Variants in NBEAL2 observed in about 807,000 individuals in gnomAD.
The protein encoded by NBEAL2 is neurobeachin like 2.
NBEAL2 carries 160 observed loss-of-function variants against 299.8 expected under a neutral mutation model. The ratio of observed to expected loss-of-function variants is 0.53; its 90% CI spans 0.47 to 0.61. NBEAL2 has a LOEUF of 0.61. Among genes scored for constraint, NBEAL2 ranks in the 20% least tolerant of loss-of-function variants. NBEAL2 has a pLI of 0.00. For synonymous variants in NBEAL2, 1,493 were observed against 1,542.3 expected (o/e 0.97, Z 0.75); for missense variants, 3,112 against 3,649.0 (o/e 0.85, Z 3.79).
Position 46,997,319 on chromosome 3 carries a change from G to C in NBEAL2, c.2710G>C (p.Ala904Pro). The change falls in exon 19 of 54, where the codon GCA becomes CCA. Residue 904 changes from alanine to proline, a missense_variant. Around this residue, in one of 3 missense-constraint regions of NBEAL2, gnomAD observed 2,243 missense variants for 2,538.1 expected, o/e 0.88. Coordinates refer to ENST00000450053, the MANE Select transcript of NBEAL2 (RefSeq NM_015175.3). ...GCTGCCCCTGCTGGAGCGAGTAGCT[G>C]CACAGCCCAAAGAGGCTGAAGCAGG... ...ALLPLLERVA[A>P]QPKEAEAGPA... 6.2e-7 allele frequency: 1 copy of C among 1,612,990 alleles called. No individual in the cohort carries two copies. The highest frequency in any genetic ancestry group is 8.5e-7 in the Non-Finnish European group (1 of 1,179,856).
intron 1 of NBEAL2, chr3:46,987,939 ACT>A (rs1169232261): frequency 1.3e-5 from 16 of 1,221,424 alleles, no homozygotes; most frequent in Admixed American, 5.1e-5. Context: ...CCCCACCGTG[ACT>A]CTGCGCTTCC....
rs1217240806 is a variant in NBEAL2 at position 46,999,972 on chromosome 3, A to G, written c.3873A>G (p.Leu1291=). ...QAGWQDVLTR[L]YVLEAATAGS... is the part of the protein sequence containing the mutation. ...GCTGGCAAGATGTGCTGACCCGGCT[A>G]TATGTCCTGGAGGCTGCCACAGCCG... The change falls in exon 27 of 54, where the codon CTA becomes CTG. Residue 1291 remains leucine, a synonymous_variant. Coordinates refer to ENST00000450053, the MANE Select transcript of NBEAL2 (RefSeq NM_015175.3). 2.5e-6 allele frequency: 4 copies of G among 1,612,070 alleles called. No individual in the cohort carries two copies. The highest frequency in any genetic ancestry group is 3.4e-6 in the Non-Finnish European group (4 of 1,179,846).
chr3:47,008,054 C>A lies in NBEAL2; in HGVS notation c.7603-16C>A, dbSNP rs2037592813. 1 of 1,613,250 alleles carries A rather than the reference C, an allele frequency of 6.2e-7. No individual in the cohort carries two copies. The highest frequency in any genetic ancestry group is 8.5e-7 in the Non-Finnish European group (1 of 1,179,362). On this transcript the variant is annotated splice_polypyrimidine_tract_variant and intron_variant, in intron 49 of 53. Transcript: ENST00000450053. ...GCCTCAGGGGACAGTCCTAAGCCAACCCTGGTCCTCCACAGGGTGGTCTGT... is the reference window on the plus strand; with the variant it reads ...GCCTCAGGGGACAGTCCTAAGCCAAACCTGGTCCTCCACAGGGTGGTCTGT...
rs370643161 is a variant in NBEAL2 at position 46,995,522 on chromosome 3, A to G, written c.1787A>G (p.Gln596Arg). 2 of 1,612,744 alleles carry G rather than the reference A, an allele frequency of 1.2e-6. No individual in the cohort carries two copies. The highest frequency in any genetic ancestry group is 1.7e-6 in the Non-Finnish European group (2 of 1,179,894). The change falls in exon 13 of 54, where the codon CAG becomes CGG. Residue 596 changes from glutamine to arginine, a missense_variant. Around this residue, in one of 3 missense-constraint regions of NBEAL2, gnomAD observed 2,243 missense variants for 2,538.1 expected, o/e 0.88. Transcript: ENST00000450053. ...SMAGIMVPPVQRWPGPGFTFH... is the reference protein window; with the variant it reads ...SMAGIMVPPVRRWPGPGFTFH... ...GCGGGCATCATGGTACCCCCTGTAC[A>G]GCGATGGCCAGGGCCTGGCTTCACC...
chr3:47,005,694 G>T, intron 41 of NBEAL2, 44 bp from the exon 42 acceptor site: 1 of 1,608,376 alleles, frequency 6.2e-7, no homozygotes, highest in Non-Finnish European at 8.5e-7. Context: ...CCAGGGGGCA[G>T]TCGGGATGGA....
chr3:46,988,884 T>C lies in NBEAL2; in HGVS notation c.183T>C (p.Asp61=), dbSNP rs2035866904. Reference sequence around the variant, plus strand: ...CAGAGGTCCCGCTGCTACCACTGGATGAGCTGCATGTGCTGGCCGAACAGC... The same window carrying C: ...CAGAGGTCCCGCTGCTACCACTGGACGAGCTGCATGTGCTGGCCGAACAGC... ...AGAEVPLLPL[D]ELHVLAEQLH... is the part of the protein sequence containing the mutation. The change falls in exon 3 of 54, where the codon GAT becomes GAC. Residue 61 remains aspartate (D), a synonymous_variant. Coordinates refer to ENST00000450053, the MANE Select transcript of NBEAL2 (RefSeq NM_015175.3). The surrounding 1 kb of genome is among the most constrained non-coding windows in gnomAD (Gnocchi z 4.4). 6.2e-7 allele frequency: 1 copy of C among 1,612,172 alleles called. No individual in the cohort carries two copies. Among genetic ancestry groups the C allele is most frequent in the Admixed American group, 1.7e-5 (1 of 59,938 alleles).
rs1414587057 is a variant in NBEAL2 at position 46,996,448 on chromosome 3, C to T, written c.2329C>T (p.Gln777Ter). The change falls in exon 16 of 54, where the codon CAG (glutamine) becomes TAG (stop). Residue 777 changes from glutamine (Q) to a stop codon, truncating the protein, a stop_gained. Coordinates refer to ENST00000450053, the MANE Select transcript of NBEAL2 (RefSeq NM_015175.3). LOFTEE classifies it high-confidence loss of function. ...GWGSGLVAPL[Q>*]EGSIDSTLAG... ...GGGGTCCGGGCTGGTGGCCCCCCTG[C>T]AGGAGGGCAGCATCGACTCTACCCT... 1 of 1,607,222 alleles carries T rather than the reference C, an allele frequency of 6.2e-7. No homozygotes were observed. Among genetic ancestry groups the T allele is most frequent in the Non-Finnish European group, 8.5e-7 (1 of 1,177,116 alleles).
intron 16 of NBEAL2, 43 bp downstream of exon 16, chr3:46,996,635 G>A: frequency 2.2e-6 from 3 of 1,393,184 alleles, no homozygotes; most frequent in South Asian, 1.4e-5. Flanking sequence ...CAGGCCAGAA[G>A]CTAGGGGTCC....
In NBEAL2 at chr3:47,006,313, G is replaced by A. The variant is rs546562375; in HGVS notation, c.7018-20G>A. On this transcript the variant is annotated intron_variant, in intron 44 of 53. Coordinates refer to ENST00000450053, the MANE Select transcript of NBEAL2 (RefSeq NM_015175.3). Reference sequence around the variant, plus strand: ...CCAGGGATGCCCATGCCATGGTGCTGACCAGCCACTTACCCACAGGAGCCA... The same window carrying A: ...CCAGGGATGCCCATGCCATGGTGCTAACCAGCCACTTACCCACAGGAGCCA... The A allele has an allele frequency of 1.9e-6, 3 of 1,599,402 alleles. No homozygotes were observed. Among genetic ancestry groups the A allele is most frequent in the South Asian group, 2.2e-5 (2 of 88,930 alleles).
intron 40 of NBEAL2, 58 bp from the exon 41 acceptor site, chr3:47,005,431 A>G (rs2037356120): frequency 6.3e-7 from 1 of 1,588,118 alleles, no homozygotes; most frequent in Non-Finnish European, 8.6e-7. Flanking sequence ...CAGCCACAGC[A>G]TCTCCCTCCC....
At chr3:46,984,912 G>T (rs1416056823) in intron 1 of NBEAL2, among the ~76,000 whole-genome samples, 1 of 152,142 alleles carries the variant, frequency 6.6e-6, no homozygotes, top group Non-Finnish European at 1.5e-5. Context: ...CCTCGAGTTG[G>T]GTAGGTGTGG....
intron 1 of NBEAL2, among the ~76,000 whole-genome samples, chr3:46,984,031 T>C (rs1575580932): frequency 6.6e-6 from 1 of 151,536 alleles, no homozygotes; most frequent in South Asian, 2.1e-4. Flanking sequence ...CCAGGCGCGG[T>C]GTTTCACGCC....
Position 46,989,390 on chromosome 3 carries a change from C to G in NBEAL2, c.473+9C>G. 1 of 1,573,972 alleles carries G rather than the reference C, an allele frequency of 6.4e-7. No homozygotes were observed. The highest frequency in any genetic ancestry group is 2.3e-5 in the East Asian group (1 of 42,624). On this transcript the variant is annotated intron_variant, in intron 5 of 53. Transcript: ENST00000450053. This position sits in a 1 kb window ranked among gnomAD's most constrained non-coding sequence, Gnocchi z 5.5. ...CGGCGCCAGCGCAGTGGGTGAGACC[C>G]AGCCCACAGGAAGGGAACCCAGAGG...
At chr3:46,987,955 C>T in intron 1 of NBEAL2, 1 of 1,263,116 alleles carries the variant, frequency 7.9e-7, no homozygotes, top group Non-Finnish European at 1.0e-6. Context: ...CGCTTCCTGC[C>T]CCAGCCCCGG....
chr3:46,999,263 C>A, intron 24 of NBEAL2, 52 bp from the exon 25 acceptor site: 6 of 1,567,904 alleles, frequency 3.8e-6, no homozygotes, highest in Non-Finnish European at 5.2e-6. Context: ...GACTTCCCCT[C>A]CTACAGTAAC....
chr3:47,004,512 G>A lies in NBEAL2; in HGVS notation c.6216G>A (p.Glu2072=), dbSNP rs929742854. The A allele has an allele frequency of 6.2e-7, 1 of 1,613,816 alleles. No homozygotes were observed. The highest frequency in any genetic ancestry group is 8.5e-7 in the Non-Finnish European group (1 of 1,179,826). ...GTCCCCAGAAATGGGTACAGCGTGA[G>A]ATATCCAACTTCGAGTACTTGATGC... is the stretch of plus-strand genomic sequence containing the variant. ...SGLTQKWVQR[E]ISNFEYLMQL... is the part of the protein sequence containing the mutation. The change falls in exon 38 of 54, where the codon GAG becomes GAA. Residue 2072 remains glutamate, a synonymous_variant. Transcript: ENST00000450053. This position sits in a 1 kb window ranked among gnomAD's most constrained non-coding sequence, Gnocchi z 5.0.
At chr3:46,994,632 A>C (rs1575597916) in intron 12 of NBEAL2, 79 bp downstream of exon 12, 4 of 1,219,642 alleles carry the variant, frequency 3.3e-6, no homozygotes, top group Non-Finnish European at 4.7e-6. Flanking sequence ...TGAGCTCTCC[A>C]CCCTGGGGGA....
chr3:47,005,219 A>G lies in NBEAL2; in HGVS notation c.6458A>G (p.Lys2153Arg). The change falls in exon 40 of 54, where the codon AAG becomes AGG. Residue 2153 changes from lysine (K) to arginine (R), a missense_variant. This residue lies in a region of NBEAL2 where 521 missense variants were observed against 729.6 expected (regional missense o/e 0.71). Transcript: ENST00000450053. Reference protein sequence around the residue: ...SFEDPAGTIDKFHYGTHYSNA... With the variant: ...SFEDPAGTIDRFHYGTHYSNA... ...GAGGACCCAGCAGGGACCATTGACA[A>G]GTTCCACTATGGCACCCACTACTCC... 2.5e-6 allele frequency: 4 copies of G among 1,613,728 alleles called. No homozygotes were observed. Among genetic ancestry groups the G allele is most frequent in the Non-Finnish European group, 2.5e-6 (3 of 1,179,878 alleles).
At chr3:46,983,034 G>T (rs930998087) in intron 1 of NBEAL2, among the ~76,000 whole-genome samples, 2 of 152,170 alleles carry the variant, frequency 1.3e-5, no homozygotes, top group African/African-American at 4.8e-5. Context: ...AGTGAATGGG[G>T]TCACAGAGTG....
Sources: allele counts gnomAD v4.1 joint callset (sites outside exome capture counted in the v4.1 genomes callset), GRCh38; gene constraint gnomAD v4.1.1; regional missense constraint gnomAD v4.1.1; non-coding constraint Gnocchi (gnomAD v3.1); transcripts MANE v1.5; gene names NCBI Gene and HGNC (gene_info 2026-07-23, HGNC 2026-07-21).